FIP1L1: variants seen among roughly 807,000 people sequenced by gnomAD.
FIP1L1 encodes the protein factor interacting with PAPOLA and CPSF1, also known as pre-mRNA 3'-end-processing factor FIP1.
A neutral mutation model predicts 84.6 loss-of-function variants in FIP1L1; 21 were observed. The observed-to-expected ratio is 0.25, with a 90% CI of 0.18 to 0.36. The LOEUF (loss-of-function observed/expected upper bound fraction) is 0.36. FIP1L1 is among the 10% of genes least tolerant of loss of function. FIP1L1 has a pLI of 1.00. For missense variants in FIP1L1, 526 were observed against 751.1 expected (o/e 0.70, Z 3.50); for synonymous variants, 263 against 242.3 (o/e 1.09, Z -0.80).
intron 13 of FIP1L1, chr4:53,440,738 T>G (rs1458043106): frequency 1.4e-6 from 1 of 701,336 alleles, no homozygotes; most frequent in Non-Finnish European, 2.6e-6. Context: ...GGTCCTATTT[T>G]CAGCTCTGCC....
chr4:53,380,435 T>C (rs921007915), intron 3 of FIP1L1, among the ~76,000 whole-genome samples: 12 of 152,334 alleles, frequency 7.9e-5, no homozygotes, highest in African/African-American at 2.9e-4. Context: ...GTATACAAAG[T>C]TCCTTTTGGG....
At chr4:53,416,789 C>T (rs1054843936) in intron 11 of FIP1L1, among the ~76,000 whole-genome samples, 4 of 151,956 alleles carry the variant, frequency 2.6e-5, no homozygotes, top group Admixed American at 6.6e-5. Context: ...CATGGTGAAA[C>T]CCTGTCTCTA....
At chr4:53,404,277 T>A (rs1429955468) in intron 10 of FIP1L1, among the ~76,000 whole-genome samples, 1 of 150,728 alleles carries the variant, frequency 6.6e-6, no homozygotes, top group Non-Finnish European at 1.5e-5. Context: ...TTTTTGTTCT[T>A]GTGATAGTTT....
chr4:53,421,079 T>TA (rs1025070038), intron 11 of FIP1L1, among the ~76,000 whole-genome samples: 2 of 152,190 alleles, frequency 1.3e-5, no homozygotes, highest in African/African-American at 2.4e-5. Flanking sequence ...AGGATTTTGA[T>TA]ATGCAGGCAA....
In FIP1L1 at chr4:53,399,711, A is replaced by G; in HGVS notation, c.706-19A>G. On this transcript the variant is annotated intron_variant, in intron 9 of 17. Transcript: ENST00000337488. ...GTGTTCTGTTAAATTCAACAAGCTA[A>G]TAACCTTTTTTTTTTAAGGTACAGC... The G allele has an allele frequency of 1.3e-6, 2 of 1,533,836 alleles. No individual in the cohort carries two copies. Among genetic ancestry groups the G allele is most frequent in the Non-Finnish European group, 1.8e-6 (2 of 1,111,792 alleles).
chr4:53,383,198 T>C (rs1283591287), intron 4 of FIP1L1, among the ~76,000 whole-genome samples: 4 of 151,976 alleles, frequency 2.6e-5, no homozygotes, highest in African/African-American at 4.8e-5. Flanking sequence ...GGGGCAGATA[T>C]GATAGTTAAA....
rs747234438 is a variant in FIP1L1 at position 53,399,816 on chromosome 4, C to T, written c.792C>T (p.Phe264=). Residue 264 remains phenylalanine (F), a synonymous_variant, in exon 10 of 18, where the codon TTC becomes TTT. Transcript: ENST00000337488. ...KAEFTSPPSL[F]KTGLPPSRNS... ...AGTTTACTTCTCCTCCTTCTTTGTT[C>T]AAGACTGGGCTTCCACCGAGCAGGT... 2 of 1,612,396 alleles carry T rather than the reference C, an allele frequency of 1.2e-6. No individual in the cohort carries two copies. The highest frequency in any genetic ancestry group is 2.7e-5 in the African/African-American group (2 of 74,720).
chr4:53,390,859 C>G, intron 7 of FIP1L1, 150 bp from the exon 8 acceptor site: 3 of 732,850 alleles, frequency 4.1e-6, no homozygotes, highest in East Asian at 3.0e-5. Context: ...ATAATTTGAT[C>G]AAAAATGATA....
At position 53,460,676 on chromosome 4, in the gene FIP1L1, A is replaced by G. The variant is rs192040199; in HGVS notation, c.*1227A>G. On this transcript the variant is annotated 3_prime_UTR_variant, in exon 18 of 18. Transcript: ENST00000337488. ...TTATTGAATAGAAAAAATATAAACA[A>G]TGTTGTAGAGTAATGAGAAATCCTC... is the stretch of plus-strand genomic sequence containing the variant. 6.9e-4 allele frequency: 302 copies of G among 437,786 alleles called. 1 individual carries two copies. Among genetic ancestry groups the G allele is most frequent in the African/African-American group, 5.8e-3 (279 of 48,384 alleles). 27.1% of individuals were successfully genotyped at this position (437,786 alleles called of 1,614,324 possible). A position where few individuals can be genotyped will look rare whatever the true frequency, so the allele number is the denominator to read the frequency against.
At position 53,392,711 on chromosome 4, in the gene FIP1L1, TAAAAAG is replaced by T. The variant is rs932005895; in HGVS notation, c.705+1215_705+1220del. Among the ~76,000 whole-genome samples the T allele has an allele frequency of 1.2e-3, 177 of 152,166 alleles. 1 individual carries two copies. The highest frequency in any genetic ancestry group is 3.2e-4 in the Non-Finnish European group (22 of 68,024). ...TATACTTCATTTTTTGTAGTAGACT[TAAAAAG>T]AGAATAAAAAGAAACTCCTAGGGGT... On this transcript the variant is annotated intron_variant, in intron 9 of 17. Coordinates refer to ENST00000337488, the MANE Select transcript of FIP1L1 (RefSeq NM_030917.4).
chr4:53,423,631 G>A (rs1289067623), intron 11 of FIP1L1, among the ~76,000 whole-genome samples: 1 of 152,108 alleles, frequency 6.6e-6, no homozygotes, highest in Admixed American at 6.5e-5. Flanking sequence ...AAAACGGTAA[G>A]CTTAATTTAT....
intron 16 of FIP1L1, among the ~76,000 whole-genome samples, 169 bp downstream of exon 16, chr4:53,453,302 C>CAGT (rs2150397730): frequency 6.6e-6 from 1 of 152,286 alleles, no homozygotes; most frequent in South Asian, 2.1e-4. Context: ...TTACCTTGAA[C>CAGT]AGTAGTCCTT....
In FIP1L1 at chr4:53,425,950, G is replaced by C; in HGVS notation, c.1002G>C (p.Glu334Asp). ...TAGAAGGCAGGCGACGGGCAAATGA[G>C]AACAGCAACATACAGGTTTAGTATT... ...SRVEGRRRAN[E>D]NSNIQVLSER... Residue 334 changes from glutamate to aspartate, a missense_variant, in exon 12 of 18, where the codon GAG (glutamate) becomes GAC (aspartate). By Grantham distance (45) the Glu-to-Asp change is conservative. Around this residue, in one of 6 missense-constraint regions of FIP1L1, gnomAD observed 80 missense variants for 151.1 expected, o/e 0.53. Coordinates refer to ENST00000337488, the MANE Select transcript of FIP1L1 (RefSeq NM_030917.4). The C allele has an allele frequency of 6.2e-7, 1 of 1,610,622 alleles. No homozygotes were observed. Among genetic ancestry groups the C allele is most frequent in the African/African-American group, 1.3e-5 (1 of 74,954 alleles).
At chr4:53,412,236 C>G (rs1441395229) in intron 10 of FIP1L1, among the ~76,000 whole-genome samples, 1 of 152,066 alleles carries the variant, frequency 6.6e-6, no homozygotes, top group African/African-American at 2.4e-5. Flanking sequence ...CCCTTAAGTA[C>G]TTAAGCATGT....
At chr4:53,403,490 C>T (rs1391189215) in intron 10 of FIP1L1, among the ~76,000 whole-genome samples, 1 of 152,062 alleles carries the variant, frequency 6.6e-6, no homozygotes, top group Non-Finnish European at 1.5e-5. Flanking sequence ...CATTTTTTGC[C>T]AATGAGAAAT....
At chr4:53,398,409 G>A (rs563955308) in intron 9 of FIP1L1, among the ~76,000 whole-genome samples, 95 of 152,318 alleles carry the variant, frequency 6.2e-4, no homozygotes, top group Non-Finnish European at 9.7e-4. Context: ...TAATAAGAGA[G>A]CTATCTGACT....
chr4:53,393,770 C>CCG (rs1745689163), intron 9 of FIP1L1, among the ~76,000 whole-genome samples: 1 of 2,952 alleles, frequency 3.4e-4, no homozygotes, highest in Non-Finnish European at 1.4e-3. Context: ...CCCGGCCCCC[C>CCG]CCCCCCCCCC....
chr4:53,443,120 C>T (rs1266366448), intron 14 of FIP1L1, among the ~76,000 whole-genome samples: 1 of 152,050 alleles, frequency 6.6e-6, no homozygotes, highest in South Asian at 2.1e-4. Context: ...CCTTGATACA[C>T]CATCTCAGCT....
At chr4:53,429,262 A>G (rs989970242) in intron 13 of FIP1L1, among the ~76,000 whole-genome samples, 3 of 152,148 alleles carry the variant, frequency 2.0e-5, no homozygotes, top group African/African-American at 7.2e-5. Context: ...TCTCAACAAT[A>G]GTGGAAGGAA....
Sources: gnomAD v4.1 joint callset for allele counts (sites outside exome capture counted in the v4.1 genomes callset) on GRCh38, gnomAD v4.1.1 for gene constraint, gnomAD v4.1.1 regional missense constraint, MANE v1.5 for transcripts, NCBI Gene and HGNC (gene_info 2026-07-23, HGNC 2026-07-21) for gene names.